The following MOCS2 variants were observed in gnomAD, a reference collection of about 807,000 sequenced individuals.
MOCS2 encodes the protein molybdopterin synthase catalytic subunit.
In MOCS2, 13 loss-of-function variants were observed where a neutral mutation model predicts 21.9. That is an observed-to-expected ratio of 0.59 (90% CI 0.39 to 0.94). MOCS2 has a LOEUF of 0.94. Among genes scored for constraint, MOCS2 ranks in the 40% least tolerant of loss-of-function variants. The probability of loss-of-function intolerance (pLI) is 0.00; values close to 1 mark genes in which losing one functional copy is unlikely to be tolerated. For synonymous variants in MOCS2, 92 were observed against 80.8 expected (o/e 1.14, Z -0.74); for missense variants, 227 against 218.3 (o/e 1.04, Z -0.25).
intron 5 of MOCS2, chr5:53,100,773 T>C (rs1740888628): frequency 2.0e-6 from 1 of 491,568 alleles, no homozygotes; most frequent in Non-Finnish European, 3.7e-6. Flanking sequence ...ACCCTCCTGA[T>C]GGGCACCAAG....
At chr5:53,105,987 GATT>G (rs772685725) in intron 3 of MOCS2, among the ~76,000 whole-genome samples, 22 of 152,148 alleles carry the variant, frequency 1.4e-4, no homozygotes, top group Admixed American at 7.2e-4. Context: ...CAACATCACT[GATT>G]ATTAGAGAAA....
At position 53,096,440 on chromosome 5, in the gene MOCS2, T is replaced by G. The variant is rs1402928107; in HGVS notation, c.*2162A>C. On this transcript the variant is annotated 3_prime_UTR_variant, in exon 7 of 7. Transcript: ENST00000396954. ...GAACTTACCTAGCAATCATGCAAAG[T>G]CACGGCTTTAAAGTGACCAAGAAAC... The G allele has an allele frequency of 6.6e-6, 1 of 152,230 alleles. No homozygotes were observed. The highest frequency in any genetic ancestry group is 1.9e-4 in the East Asian group (1 of 5,194). The allele number at this position is 152,230 out of a possible 1,614,324, so 9.4% of individuals were successfully genotyped here.
intron 3 of MOCS2, among the ~76,000 whole-genome samples, chr5:53,104,743 G>C (rs904911525): frequency 2.0e-5 from 3 of 152,040 alleles, no homozygotes; most frequent in Non-Finnish European, 4.4e-5. Flanking sequence ...AGATAAAAAG[G>C]CATCCTTGGC....
chr5:53,103,448 T>C (rs573496741), intron 3 of MOCS2, among the ~76,000 whole-genome samples: 1 of 152,222 alleles, frequency 6.6e-6, no homozygotes, highest in South Asian at 2.1e-4. Context: ...GTGATTCTAC[T>C]GGAACTGGGT....
At chr5:53,101,644 A>G (rs1179018433) in intron 4 of MOCS2, 135 bp from the exon 5 acceptor site, 6 of 712,270 alleles carry the variant, frequency 8.4e-6, no homozygotes, top group Non-Finnish European at 1.4e-5. Flanking sequence ...CAATTCTTCT[A>G]AAACTACTTT....
chr5:53,103,368 A>G (rs1350893669), intron 3 of MOCS2, among the ~76,000 whole-genome samples: 1 of 152,156 alleles, frequency 6.6e-6, no homozygotes, highest in African/African-American at 2.4e-5. Flanking sequence ...TCTCACCACT[A>G]TGGTACCAAG....
At chr5:53,108,781 A>C in intron 1 of MOCS2, 138 bp from the exon 2 acceptor site, 1 of 858,404 alleles carries the variant, frequency 1.2e-6, no homozygotes, top group Non-Finnish European at 1.7e-6. Context: ...AACCCGTAAA[A>C]AATTTCAGTA....
intron 4 of MOCS2, 101 bp downstream of exon 4, chr5:53,101,996 G>C: frequency 7.7e-7 from 1 of 1,290,422 alleles, no homozygotes; most frequent in Non-Finnish European, 1.1e-6. Context: ...TTGGTTTAAA[G>C]TTCAGTATTT....
In MOCS2 at chr5:53,108,585, A is replaced by G. The variant is rs1289780401; in HGVS notation, c.-111T>C. ...CGCTTTTATTTCTTGAGGCACAGAA[A>G]TGGTCTCTGAACGAACTCCTGTTAT... On this transcript the variant is annotated 5_prime_UTR_variant, in exon 2 of 7. Transcript: ENST00000396954. 2 of 1,613,582 alleles carry G rather than the reference A, an allele frequency of 1.2e-6. No individual in the cohort carries two copies. The highest frequency in any genetic ancestry group is 1.7e-6 in the Non-Finnish European group (2 of 1,179,724).
chr5:53,104,947 T>C (rs919363751), intron 3 of MOCS2, among the ~76,000 whole-genome samples: 1 of 152,208 alleles, frequency 6.6e-6, no homozygotes, highest in Non-Finnish European at 1.5e-5. Context: ...ATTCTGTCTG[T>C]ACTTATAAGA....
In MOCS2 at chr5:53,098,549, CAAT is replaced by C. The variant is rs1405608194; in HGVS notation, c.*50_*52del. ...GGAGAGAAAAAAATCAAAATGTGAT[CAAT>C]AATAATAGTTTAACAAAGTTAAGAT... On this transcript the variant is annotated 3_prime_UTR_variant, in exon 7 of 7. Transcript: ENST00000396954. 3 of 1,483,726 alleles carry C rather than the reference CAAT, an allele frequency of 2.0e-6. No homozygotes were observed. In the African/African-American group the frequency reaches 4.2e-5, roughly 21 times the overall value. 91.9% of individuals were successfully genotyped at this position (1,483,726 alleles called of 1,614,324 possible).
At chr5:53,098,763 C>G (rs1380156451) in intron 6 of MOCS2, 96 bp from the exon 7 acceptor site, 2 of 871,330 alleles carry the variant, frequency 2.3e-6, no homozygotes, top group Middle Eastern at 3.0e-4. Flanking sequence ...AATATCACAT[C>G]TATTTCAATG....
At chr5:53,107,587 A>G (rs1741087410) in intron 2 of MOCS2, 2 of 237,972 alleles carry the variant, frequency 8.4e-6, no homozygotes, top group Admixed American at 5.2e-5. Flanking sequence ...TTCAAGCACA[A>G]GTATAACTGC....
chr5:53,107,304 AG>A, intron 2 of MOCS2, 83 bp from the exon 3 acceptor site: 3 of 1,272,578 alleles, frequency 2.4e-6, no homozygotes, highest in East Asian at 2.5e-5. Flanking sequence ...GATATTACAT[AG>A]ATATAATTAT....
At chr5:53,104,974 A>G (rs1741011812) in intron 3 of MOCS2, among the ~76,000 whole-genome samples, 1 of 152,142 alleles carries the variant, frequency 6.6e-6, no homozygotes, top group African/African-American at 2.4e-5. Context: ...ATCTCTCCAC[A>G]CTATACTGAA....
intron 5 of MOCS2, chr5:53,100,737 C>T: frequency 1.8e-6 from 1 of 563,052 alleles, no homozygotes. Flanking sequence ...GATGCTACAG[C>T]TAATTTGTTA....
At chr5:53,100,579 T>C (rs751733273) in intron 5 of MOCS2, 45 bp from the exon 6 acceptor site, 2 of 1,606,768 alleles carry the variant, frequency 1.2e-6, no homozygotes, top group Non-Finnish European at 1.7e-6. Context: ...CATCTCTGAA[T>C]CTACGTGTTA....
Position 53,097,237 on chromosome 5 carries a change from T to A in MOCS2, c.*1365A>T, listed in dbSNP as rs1297841880. On this transcript the variant is annotated 3_prime_UTR_variant, in exon 7 of 7. Coordinates refer to ENST00000396954, the MANE Select transcript of MOCS2 (RefSeq NM_004531.5). The stretch of plus-strand genomic sequence containing the variant: ...GCATCAACTGATGTAACCAGGTGAT[T>A]CCTAAAGTCAGTGTGGCTGTCCTAT... 3 of 152,186 alleles carry A rather than the reference T, an allele frequency of 2.0e-5. No homozygotes were observed. Among genetic ancestry groups the A allele is most frequent in the Non-Finnish European group, 4.4e-5 (3 of 68,044 alleles). 9.4% of individuals were successfully genotyped at this position (152,186 alleles called of 1,614,324 possible). A position where few individuals can be genotyped will look rare whatever the true frequency, so the allele number is the denominator to read the frequency against.
chr5:53,107,352 C>T, intron 2 of MOCS2, 131 bp from the exon 3 acceptor site: 5 of 832,422 alleles, frequency 6.0e-6, no homozygotes, highest in Non-Finnish European at 9.4e-6. Flanking sequence ...ATTAAATTTA[C>T]ACATAGTATA....
Sources: gnomAD v4.1 joint callset for allele counts (sites outside exome capture counted in the v4.1 genomes callset) on GRCh38, gnomAD v4.1.1 for gene constraint, MANE v1.5 for transcripts, NCBI Gene and HGNC (gene_info 2026-07-23, HGNC 2026-07-21) for gene names.